NUP133: variants seen among roughly 807,000 people sequenced by gnomAD.
The protein encoded by NUP133 is nucleoporin 133, also known as nuclear pore complex protein Nup133.
Under a neutral mutation model 146.2 loss-of-function variants are expected in NUP133, and 66 were observed. That is an observed-to-expected ratio of 0.45 (90% CI 0.37 to 0.55). The LOEUF (loss-of-function observed/expected upper bound fraction) is 0.55, where lower values mean the gene tolerates loss of function less well. NUP133 is among the 20% of genes least tolerant of loss of function. NUP133 has a pLI of 0.00. For synonymous variants in NUP133, 521 were observed against 498.8 expected (o/e 1.04, Z -0.59); for missense variants, 1,277 against 1,374.8 (o/e 0.93, Z 1.12).
chr1:229,489,073 A>C (rs2102776699), intron 9 of NUP133, among the ~76,000 whole-genome samples: 1 of 152,304 alleles, frequency 6.6e-6, no homozygotes, highest in East Asian at 1.9e-4. Context: ...TTGGGTAAAA[A>C]GGAGGATTTT....
chr1:229,464,574 T>C (rs1373901743), intron 18 of NUP133, 50 bp downstream of exon 18: 2 of 1,593,790 alleles, frequency 1.3e-6, no homozygotes, highest in African/African-American at 1.3e-5. Flanking sequence ...TATTCAACCC[T>C]TTCATCCATT....
At chr1:229,495,775 T>C (rs1571937560) in intron 7 of NUP133, 117 bp downstream of exon 7, 49 of 983,024 alleles carry the variant, frequency 5.0e-5, no homozygotes, top group Non-Finnish European at 7.3e-5. Flanking sequence ...CTGATAACCA[T>C]ACACTATGTT....
rs758159337 is a variant in NUP133, at chr1:229,500,810, G to A, written c.459C>T (p.Ala153=). The change falls in exon 4 of 26, where the codon GCC becomes GCT. Residue 153 remains alanine (A), a synonymous_variant. Coordinates refer to ENST00000261396, the MANE Select transcript of NUP133 (RefSeq NM_018230.3). ...QLPPSDFHWS[A]DLVALSYSSP... ...AAGAGTAAGAAAGAGCCACTAAGTC[G>A]GCACTCCAGTGGAAATCACTAGGTG... 1.4e-5 allele frequency: 22 copies of A among 1,612,752 alleles called. No individual in the cohort carries two copies. Among genetic ancestry groups the A allele is most frequent in the Middle Eastern group, 1.6e-4 (1 of 6,080 alleles).
chr1:229,495,638 AC>A, intron 7 of NUP133, 73 bp from the exon 8 acceptor site: 1 of 1,143,736 alleles, frequency 8.7e-7, no homozygotes, highest in Non-Finnish European at 1.3e-6. Context: ...TATCCCTAGT[AC>A]CTAGTGAAGT....
intron 12 of NUP133, 59 bp from the exon 13 acceptor site, chr1:229,477,819 C>G: frequency 7.4e-7 from 1 of 1,355,436 alleles, no homozygotes; most frequent in Non-Finnish European, 1.0e-6. Flanking sequence ...CAAAACTCAC[C>G]AAGAAAAAAT....
At chr1:229,498,639 C>T (rs1452964314) in intron 5 of NUP133, among the ~76,000 whole-genome samples, 1 of 151,874 alleles carries the variant, frequency 6.6e-6, no homozygotes, top group East Asian at 1.9e-4. Flanking sequence ...ACCTGTAATC[C>T]CAGCCACTTG....
chr1:229,452,361 C>T, intron 22 of NUP133, among the ~76,000 whole-genome samples, 164 bp downstream of exon 22: 1 of 152,208 alleles, frequency 6.6e-6, no homozygotes, highest in Non-Finnish European at 1.5e-5. Flanking sequence ...CTCTAATTAG[C>T]TTTCTGTTCC....
Position 229,496,028 on chromosome 1 carries a change from T to G in NUP133, c.839A>C (p.Asp280Ala). The change falls in exon 7 of 26, where the codon GAT becomes GCT. Residue 280 changes from aspartate to alanine, a missense_variant. Transcript: ENST00000261396. ...SDLTLSSVLW[D>A]RERSSFYSLT... is the part of the protein sequence containing the mutation. ...GCTATAAAAGCTTGATCTCTCTCTA[T>G]CCCAGAGAACACTTGAAAGCTATTC... The G allele has an allele frequency of 6.3e-7, 1 of 1,589,854 alleles. No individual in the cohort carries two copies. Among genetic ancestry groups the G allele is most frequent in the East Asian group, 2.3e-5 (1 of 44,332 alleles).
At position 229,470,747 on chromosome 1, in the gene NUP133, G is replaced by C. The variant is rs1376395014; in HGVS notation, c.1909C>G (p.Arg637Gly). ...FPVRGTPMAT[R>G]LLLCEHAEKL... ...TCGGCATGCTCACAGAGCAACAGTC[G>C]AGTGGCCATCGGTGTCCCTCTAACT... Residue 637 changes from arginine (R) to glycine (G), a missense_variant, in exon 15 of 26, where the codon CGA becomes GGA. Physicochemically the swap from Arg to Gly is moderately radical, Grantham distance 125 (BLOSUM62 -2). Coordinates refer to ENST00000261396, the MANE Select transcript of NUP133 (RefSeq NM_018230.3). 1.2e-6 allele frequency: 2 copies of C among 1,614,190 alleles called. No individual in the cohort carries two copies. The highest frequency in any genetic ancestry group is 3.3e-5 in the Admixed American group (2 of 60,020).
chr1:229,463,656 A>G lies in NUP133; in HGVS notation c.2572T>C (p.Trp858Arg). Residue 858 changes from tryptophan (W) to arginine (R), a missense_variant, in exon 19 of 26, where the codon TGG becomes CGG. Physicochemically the swap from Trp to Arg is moderately radical, Grantham distance 101 (BLOSUM62 -3). Transcript: ENST00000261396. ...SPLLSLGQYL[W>R]AASLAEKYCD... Reference sequence around the variant, plus strand: ...TATTTCTCTGCTAGAGAAGCAGCCCACAGGTACTGGCCTAGTGAAACTGTG... The same window carrying G: ...TATTTCTCTGCTAGAGAAGCAGCCCGCAGGTACTGGCCTAGTGAAACTGTG... 1.2e-6 allele frequency: 2 copies of G among 1,613,878 alleles called. No homozygotes were observed. Among genetic ancestry groups the G allele is most frequent in the Non-Finnish European group, 1.7e-6 (2 of 1,179,950 alleles).
Position 229,498,185 on chromosome 1 carries a change from C to T in NUP133, c.770G>A (p.Arg257Gln), listed in dbSNP as rs1194229533. Residue 257 changes from arginine to glutamine, a missense_variant, in exon 6 of 26, where the codon CGA (arginine) becomes CAA (glutamine). Transcript: ENST00000261396. ...AATTCCAAAAAGAGAAGAAACTTTT[C>T]GACCAATTCCTGAAAGCATGCCTTG... Reference protein sequence around the residue: ...QGQGMLSGIGRKVSSLFGILS... With the variant: ...QGQGMLSGIGQKVSSLFGILS... 4 of 1,612,742 alleles carry T rather than the reference C, an allele frequency of 2.5e-6. No homozygotes were observed. In the Admixed American group the frequency reaches 6.7e-5, roughly 27 times the overall value.
chr1:229,476,018 G>T (rs1487130514), intron 13 of NUP133, among the ~76,000 whole-genome samples: 5 of 151,832 alleles, frequency 3.3e-5, no homozygotes, highest in African/African-American at 1.2e-4. Flanking sequence ...TGAGGCAAGA[G>T]AATTGCTTGA....
At chr1:229,449,537 T>A (rs933035765) in intron 23 of NUP133, among the ~76,000 whole-genome samples, 1 of 151,550 alleles carries the variant, frequency 6.6e-6, no homozygotes, top group Non-Finnish European at 1.5e-5. Flanking sequence ...CCAGCTAATT[T>A]TTTTTGTATT....
chr1:229,454,439 T>C (rs1444554900), intron 21 of NUP133, among the ~76,000 whole-genome samples: 2 of 152,126 alleles, frequency 1.3e-5, no homozygotes, highest in African/African-American at 2.4e-5. Flanking sequence ...ACCTAGAAAA[T>C]CAGACTGGGA....
chr1:229,480,914 C>G (rs1483718775), intron 12 of NUP133, among the ~76,000 whole-genome samples: 1 of 149,354 alleles, frequency 6.7e-6, no homozygotes, highest in Non-Finnish European at 1.5e-5. Context: ...AGGCTGGTCT[C>G]GAAGTCCTGA....
intron 22 of NUP133, among the ~76,000 whole-genome samples, chr1:229,451,948 A>G (rs1323144991): frequency 6.6e-6 from 1 of 152,242 alleles, no homozygotes; most frequent in Non-Finnish European, 1.5e-5. Context: ...AAATTCAGTT[A>G]TAACAGGAAA....
intron 11 of NUP133, among the ~76,000 whole-genome samples, chr1:229,486,034 T>A (rs1661338964): frequency 6.6e-6 from 1 of 152,046 alleles, no homozygotes; most frequent in Non-Finnish European, 1.5e-5. Flanking sequence ...AGATGGCGCA[T>A]GTCTGTAGTC....
At position 229,441,805 on chromosome 1, in the gene NUP133, G is replaced by T; in HGVS notation, c.*99C>A. 1.0e-6 allele frequency: 1 copy of T among 962,342 alleles called. No homozygotes were observed. The highest frequency in any genetic ancestry group is 1.5e-6 in the Non-Finnish European group (1 of 654,028). 59.6% of individuals were successfully genotyped at this position (962,342 alleles called of 1,614,324 possible). A position where few individuals can be genotyped will look rare whatever the true frequency, so the allele number is the denominator to read the frequency against. On this transcript the variant is annotated 3_prime_UTR_variant, in exon 26 of 26. Coordinates refer to ENST00000261396, the MANE Select transcript of NUP133 (RefSeq NM_018230.3). ...AAAGTATAAAAACTCAGCTATACAT[G>T]TTATGAAATTGTACAAACTTACACT...
chr1:229,464,019 C>T (rs1414190066), intron 18 of NUP133, among the ~76,000 whole-genome samples: 1 of 152,148 alleles, frequency 6.6e-6, no homozygotes, highest in Non-Finnish European at 1.5e-5. Flanking sequence ...GTGGCACACG[C>T]CTGTAATCCC....
Sources: allele counts gnomAD v4.1 joint callset (sites outside exome capture counted in the v4.1 genomes callset), GRCh38; gene constraint gnomAD v4.1.1; transcripts MANE v1.5; gene names NCBI Gene and HGNC (gene_info 2026-07-23, HGNC 2026-07-21).